The following RGS7 variants were observed in gnomAD, a reference collection of about 807,000 sequenced individuals.
The protein encoded by RGS7 is regulator of G protein signaling 7, also known as regulator of G-protein signaling 7.
Under a neutral mutation model 81.1 loss-of-function variants are expected in RGS7, and 27 were observed. The ratio of observed to expected loss-of-function variants is 0.33; its 90% CI spans 0.25 to 0.46. The LOEUF is 0.46. RGS7 is among the 20% of genes least tolerant of loss of function. The pLI is 1.00. For synonymous variants in RGS7, 208 were observed against 207.7 expected, an observed-to-expected ratio of 1.00 and a Z score of -0.01; for missense variants, 396 against 607.4, an observed-to-expected ratio of 0.65 and a Z score of 3.66.
intron 2 of RGS7, among the ~76,000 whole-genome samples, chr1:241,279,650 G>T (rs2078397629): frequency 6.6e-6 from 1 of 152,262 alleles, no homozygotes; most frequent in East Asian, 1.9e-4. Flanking sequence ...ATAGTGAAGA[G>T]AATTTTTCCA....
chr1:241,156,203 G>A (rs1471022786), intron 2 of RGS7, among the ~76,000 whole-genome samples: 1 of 152,022 alleles, frequency 6.6e-6, no homozygotes, highest in African/African-American at 2.4e-5. Flanking sequence ...CAGAAAGATA[G>A]ATGCTAGGCT....
At chr1:240,870,728 C>A (rs1450290583) in intron 6 of RGS7, among the ~76,000 whole-genome samples, 5 of 152,084 alleles carry the variant, frequency 3.3e-5, no homozygotes, top group Non-Finnish European at 5.9e-5. Flanking sequence ...AAAGGGTCAC[C>A]AAATGAACTT....
chr1:241,098,826 C>G (rs1241674514), intron 2 of RGS7, 64 bp from the exon 3 acceptor site: 2 of 1,198,324 alleles, frequency 1.7e-6, no homozygotes, highest in Non-Finnish European at 2.4e-6. Context: ...AAAATCAGCT[C>G]TCATAACAAT....
At chr1:241,175,525 C>T (rs1373416667) in intron 2 of RGS7, among the ~76,000 whole-genome samples, 1 of 152,168 alleles carries the variant, frequency 6.6e-6, no homozygotes, top group Non-Finnish European at 1.5e-5. Context: ...TGAGTTGTTG[C>T]AGGCCTCAAG....
rs866031655 is a variant in RGS7, at chr1:241,068,238, G to A, written c.175+30428C>T. Among the ~76,000 whole-genome samples the A allele has an allele frequency of 6.4e-4, 23 of 35,678 alleles. 4 individuals are homozygous for A. In the South Asian group the frequency reaches 0.026, roughly 40 times the overall value. The allele number at this position is 35,678 out of a possible 152,430, so 23.4% of individuals were successfully genotyped here. On this transcript the variant is annotated intron_variant, in intron 3 of 18. Coordinates refer to ENST00000440928, the MANE Select transcript of RGS7 (RefSeq NM_001364886.1). ...CTATCCATAAATTGTGTGTGTGTGT[G>A]TATATATATATATATATATAAAATA...
rs200721309 is a variant in RGS7, at chr1:241,324,340, A to AC, written c.78+31358_78+31359insG. 9.4e-3 allele frequency among the ~76,000 whole-genome samples: 1,396 copies of AC among 148,156 alleles called. 19 individuals are homozygous for AC. The highest frequency in any genetic ancestry group is 0.033 in the African/African-American group (1,258 of 38,006). The stretch of plus-strand genomic sequence containing the variant: ...AAGAAAAATATATAAAAGCAAAAAA[A>AC]ACAAAAAAAAAAGCAACTTTTTACT... On this transcript the variant is annotated intron_variant, in intron 2 of 18. Coordinates refer to ENST00000440928, the MANE Select transcript of RGS7 (RefSeq NM_001364886.1).
intron 18 of RGS7, among the ~76,000 whole-genome samples, chr1:240,791,123 C>A (rs1296842326): frequency 1.4e-4 from 21 of 151,930 alleles, no homozygotes; most frequent in Admixed American, 1.4e-3. Context: ...ACTTTTTTTC[C>A]CCCAGGAATA....
intron 2 of RGS7, among the ~76,000 whole-genome samples, chr1:241,194,126 C>T (rs1405939407): frequency 6.6e-6 from 1 of 152,156 alleles, no homozygotes; most frequent in African/African-American, 2.4e-5. Context: ...ATTTCACCTA[C>T]ACCAAACCTA....
intron 2 of RGS7, among the ~76,000 whole-genome samples, chr1:241,121,286 T>C (rs940636880): frequency 1.2e-4 from 18 of 152,238 alleles, no homozygotes; most frequent in African/African-American, 4.3e-4. Context: ...TGGTTTGCAG[T>C]GCTTCCAAAA....
chr1:241,004,232 T>C (rs575793143), intron 3 of RGS7, among the ~76,000 whole-genome samples: 2 of 152,312 alleles, frequency 1.3e-5, no homozygotes, highest in South Asian at 2.1e-4. Context: ...ACCTCCATTA[T>C]AAACTTGCAG....
intron 3 of RGS7, chr1:240,998,357 C>T (rs1191153553): frequency 1.6e-5 from 8 of 492,458 alleles, no homozygotes; most frequent in Admixed American, 3.7e-5. Flanking sequence ...TATATCTTTG[C>T]TATGCTTGTG....
At chr1:241,294,609 C>T (rs1300713147) in intron 2 of RGS7, among the ~76,000 whole-genome samples, 1 of 152,200 alleles carries the variant, frequency 6.6e-6, no homozygotes, top group Non-Finnish European at 1.5e-5. Context: ...CCTTCACATT[C>T]ACTCACTACT....
rs138836453 is a variant in RGS7 at position 241,040,168 on chromosome 1, C to G, written c.176-57039G>C. On this transcript the variant is annotated intron_variant, in intron 3 of 18. Coordinates refer to ENST00000440928, the MANE Select transcript of RGS7 (RefSeq NM_001364886.1). Reference sequence around the variant, plus strand: ...GAGGTGGCCACATCTCCTTTAGACCCCTCTCAGCCTTTCAGCGTTTTCTGT... The same window carrying G: ...GAGGTGGCCACATCTCCTTTAGACCGCTCTCAGCCTTTCAGCGTTTTCTGT... Among the ~76,000 whole-genome samples the G allele has an allele frequency of 8.5e-5, 13 of 152,290 alleles. No individual in the cohort carries two copies. In the East Asian group the frequency reaches 2.3e-3, roughly 27 times the overall value.
intron 3 of RGS7, among the ~76,000 whole-genome samples, chr1:241,069,738 C>T (rs1181109747): frequency 6.6e-6 from 1 of 151,896 alleles, no homozygotes; most frequent in African/African-American, 2.4e-5. Context: ...GACATATTTC[C>T]GAAACATCAG....
chr1:241,013,544 A>G (rs2059079250), intron 3 of RGS7, among the ~76,000 whole-genome samples: 1 of 152,228 alleles, frequency 6.6e-6, no homozygotes, highest in African/African-American at 2.4e-5. Flanking sequence ...ACAGAAATAA[A>G]AAGATGTACC....
intron 2 of RGS7, among the ~76,000 whole-genome samples, chr1:241,325,314 G>C (rs1405149227): frequency 6.6e-6 from 1 of 152,220 alleles, no homozygotes; most frequent in African/African-American, 2.4e-5. Flanking sequence ...CGATCACAGT[G>C]ATCCAAACTA....
intron 2 of RGS7, among the ~76,000 whole-genome samples, chr1:241,283,203 G>A (rs894931233): frequency 9.2e-5 from 14 of 152,144 alleles, no homozygotes; most frequent in Non-Finnish European, 1.6e-4. Flanking sequence ...AGAAGGAAAG[G>A]TTATTGTATT....
intron 2 of RGS7, among the ~76,000 whole-genome samples, chr1:241,193,290 C>T (rs2072820742): frequency 6.6e-6 from 1 of 152,210 alleles, no homozygotes; most frequent in Non-Finnish European, 1.5e-5. Context: ...AAGACCTCAT[C>T]CATTGCTCAC....
chr1:241,112,965 A>G (rs184397434), intron 2 of RGS7, among the ~76,000 whole-genome samples: 14 of 152,334 alleles, frequency 9.2e-5, no homozygotes, highest in Non-Finnish European at 1.5e-4. Context: ...TGGCTAGTCC[A>G]TCTATGAAAG....
Sources: gnomAD v4.1 joint callset for allele counts (sites outside exome capture counted in the v4.1 genomes callset) on GRCh38, gnomAD v4.1.1 for gene constraint, MANE v1.5 for transcripts, NCBI Gene and HGNC (gene_info 2026-07-23, HGNC 2026-07-21) for gene names.